The following PPFIBP1 variants were observed in gnomAD, a reference collection of about 807,000 sequenced individuals.
The protein encoded by PPFIBP1 is PPFIB scaffold protein 1, also known as liprin-beta-1.
A neutral mutation model predicts 137.8 loss-of-function variants in PPFIBP1; 112 were observed. The ratio of observed to expected loss-of-function variants is 0.81; its 90% CI spans 0.70 to 0.95. The LOEUF (loss-of-function observed/expected upper bound fraction) is 0.95. PPFIBP1 is among the 40% of genes least tolerant of loss of function. The pLI is 0.00. For synonymous variants in PPFIBP1, 378 were observed against 417.3 expected (o/e 0.91, Z 1.15); for missense variants, 1,083 against 1,196.6 (o/e 0.91, Z 1.40).
chr12:27,612,425 C>T (rs2055238429), intron 2 of PPFIBP1, among the ~76,000 whole-genome samples: 1 of 150,692 alleles, frequency 6.6e-6, no homozygotes, highest in South Asian at 2.1e-4. Flanking sequence ...CCTCAACCTC[C>T]CAGACTCAAG....
At chr12:27,592,505 T>C (rs2137333345) in intron 2 of PPFIBP1, 1 of 1,198,364 alleles carries the variant, frequency 8.3e-7, no homozygotes, top group Non-Finnish European at 1.2e-6. Flanking sequence ...TGAATTCTCT[T>C]GCCTCTGTGA....
chr12:27,612,590 C>G (rs910542033), intron 2 of PPFIBP1, among the ~76,000 whole-genome samples: 5 of 151,974 alleles, frequency 3.3e-5, no homozygotes, highest in African/African-American at 1.2e-4. Context: ...CTTAAGCGAG[C>G]CTCCCGTCTC....
At chr12:27,660,208 T>G (rs1324251091) in intron 10 of PPFIBP1, among the ~76,000 whole-genome samples, 3 of 152,170 alleles carry the variant, frequency 2.0e-5, no homozygotes, top group Admixed American at 2.0e-4. Context: ...TGACTTTTCA[T>G]CTTTAAAATA....
At chr12:27,663,312 G>A (rs1157544070) in intron 11 of PPFIBP1, among the ~76,000 whole-genome samples, 1 of 152,174 alleles carries the variant, frequency 6.6e-6, no homozygotes, top group Non-Finnish European at 1.5e-5. Flanking sequence ...GGAGGCGCTA[G>A]GGAGGCCATT....
At chr12:27,626,996 T>A (rs1228472032) in intron 2 of PPFIBP1, among the ~76,000 whole-genome samples, 1 of 152,220 alleles carries the variant, frequency 6.6e-6, no homozygotes, top group African/African-American at 2.4e-5. Flanking sequence ...AGTAGGTATG[T>A]GCCTTTATGG....
chr12:27,645,578 A>G (rs1470359421), intron 4 of PPFIBP1, among the ~76,000 whole-genome samples: 1 of 152,234 alleles, frequency 6.6e-6, no homozygotes, highest in Non-Finnish European at 1.5e-5. Flanking sequence ...GTAACGTTAT[A>G]CAAAGAAGCA....
chr12:27,676,708 A>C, intron 18 of PPFIBP1, 109 bp downstream of exon 18: 2 of 1,172,950 alleles, frequency 1.7e-6, no homozygotes, highest in Non-Finnish European at 2.4e-6. Flanking sequence ...CTTTCTCAGA[A>C]ACGAAGGTGA....
Position 27,560,068 on chromosome 12 carries a change from G to GTA in PPFIBP1, c.-123-18084_-123-18083insTA, listed in dbSNP as rs1435710017. 4.6e-5 allele frequency among the ~76,000 whole-genome samples: 7 copies of GTA among 152,150 alleles called. No individual in the cohort carries two copies. In the South Asian group the frequency reaches 1.4e-3, roughly 31 times the overall value. ...TGTTGACAGGTAAGTATTACACATG[G>GTA]ACAACTTTACTCAAATGTTTTTAAA... On this transcript the variant is annotated intron_variant, in intron 1 of 29. Coordinates refer to ENST00000228425, the MANE Select transcript of PPFIBP1 (RefSeq NM_003622.4).
chr12:27,588,524 AAC>A (rs2052067568), intron 2 of PPFIBP1, among the ~76,000 whole-genome samples: 1 of 152,172 alleles, frequency 6.6e-6, no homozygotes. Context: ...CAACTATCCA[AAC>A]ACACATTAAC....
chr12:27,680,106 C>T (rs2060792497), intron 21 of PPFIBP1, 45 bp downstream of exon 21: 5 of 1,606,400 alleles, frequency 3.1e-6, no homozygotes, highest in Non-Finnish European at 4.3e-6. Flanking sequence ...TACCAAGCAT[C>T]ATAGCCTCAT....
intron 15 of PPFIBP1, among the ~76,000 whole-genome samples, chr12:27,672,818 A>G (rs2060283148): frequency 6.6e-6 from 1 of 152,208 alleles, no homozygotes; most frequent in Non-Finnish European, 1.5e-5. Context: ...GTGGGAAGGC[A>G]TCACAGGGAA....
chr12:27,561,830 T>C (rs1465500503), intron 1 of PPFIBP1, among the ~76,000 whole-genome samples: 2 of 151,970 alleles, frequency 1.3e-5, no homozygotes, highest in Non-Finnish European at 1.5e-5. Flanking sequence ...GGCTAACTTA[T>C]ATAAAGCAAC....
Position 27,681,699 on chromosome 12 carries a change from G to T in PPFIBP1, c.2046+3G>T. 6.2e-7 allele frequency: 1 copy of T among 1,613,876 alleles called. No homozygotes were observed. The highest frequency in any genetic ancestry group is 8.5e-7 in the Non-Finnish European group (1 of 1,179,860). On this transcript the variant is annotated splice_donor_region_variant and intron_variant, in intron 22 of 29. Transcript: ENST00000228425. ...CTTCTCAACAAGATCTAGAGAAGGT[G>T]ACTGCTTCTCTGTTTTGTTCACACA... is the stretch of plus-strand genomic sequence containing the variant.
At chr12:27,618,348 A>G (rs1459922087) in intron 2 of PPFIBP1, among the ~76,000 whole-genome samples, 2 of 152,198 alleles carry the variant, frequency 1.3e-5, no homozygotes, top group African/African-American at 2.4e-5. Flanking sequence ...AACATGACTC[A>G]TTATTCCCTC....
In PPFIBP1 at chr12:27,693,820, G is replaced by A. The variant is rs2061669166; in HGVS notation, c.*938G>A. ...CAGCCCCAAGTAGGTGGGACTCCAG[G>A]CATGCACCACCATGCCTGGCTAATT... On this transcript the variant is annotated 3_prime_UTR_variant, in exon 30 of 30. Transcript: ENST00000228425. The A allele has an allele frequency of 6.6e-6, 1 of 152,056 alleles. No homozygotes were observed. The highest frequency in any genetic ancestry group is 2.1e-4 in the South Asian group (1 of 4,798). 9.4% of individuals were successfully genotyped at this position (152,056 alleles called of 1,614,324 possible).
intron 1 of PPFIBP1, among the ~76,000 whole-genome samples, chr12:27,528,808 G>A (rs1944074456): frequency 6.6e-6 from 1 of 152,130 alleles, no homozygotes; most frequent in Non-Finnish European, 1.5e-5. Context: ...GAGAGAACCT[G>A]AGGTAAATAC....
At chr12:27,597,703 C>T (rs533424509) in intron 2 of PPFIBP1, among the ~76,000 whole-genome samples, 1 of 152,218 alleles carries the variant, frequency 6.6e-6, no homozygotes, top group African/African-American at 2.4e-5. Flanking sequence ...AAATGATTTC[C>T]CAGCGTAAAC....
At chr12:27,559,659 CA>C (rs2136352385) in intron 1 of PPFIBP1, among the ~76,000 whole-genome samples, 1 of 152,218 alleles carries the variant, frequency 6.6e-6, no homozygotes, top group South Asian at 2.1e-4. Context: ...AACACAGTAC[CA>C]AAACTCTCTG....
intron 1 of PPFIBP1, among the ~76,000 whole-genome samples, chr12:27,552,020 T>A (rs1946836102): frequency 6.6e-6 from 1 of 152,172 alleles, no homozygotes; most frequent in Non-Finnish European, 1.5e-5. Context: ...TTCCTCATCT[T>A]TAAAACAAGG....
Sources: allele counts gnomAD v4.1 joint callset (sites outside exome capture counted in the v4.1 genomes callset), GRCh38; gene constraint gnomAD v4.1.1; transcripts MANE v1.5; gene names NCBI Gene and HGNC (gene_info 2026-07-23, HGNC 2026-07-21).